GPC5: variants seen among roughly 807,000 people sequenced by gnomAD.
GPC5 encodes the protein glypican-5.
GPC5 carries 47 observed loss-of-function variants against 53.9 expected under a neutral mutation model. The observed-to-expected ratio is 0.87, with a 90% CI of 0.69 to 1.11. GPC5 has a LOEUF of 1.11. GPC5 is among the 50% of genes most tolerant of loss of function. GPC5 has a pLI of 0.00. For missense variants in GPC5, 748 were observed against 713.1 expected (o/e 1.05, Z -0.56); for synonymous variants, 286 against 263.3 (o/e 1.09, Z -0.84).
chr13:92,699,275 C>A (rs1269733826), intron 7 of GPC5, among the ~76,000 whole-genome samples: 2 of 152,010 alleles, frequency 1.3e-5, no homozygotes, highest in African/African-American at 4.8e-5. Context: ...GTGTTGATAT[C>A]CCCTTTATCA....
intron 7 of GPC5, among the ~76,000 whole-genome samples, chr13:92,414,365 C>T (rs886740579): frequency 1.3e-5 from 2 of 151,700 alleles, no homozygotes; most frequent in South Asian, 2.1e-4. Context: ...ATTAGCTGGG[C>T]GTGGTAGTGC....
Position 92,777,178 on chromosome 13 carries a change from T to C in GPC5, c.1562-89104T>C, listed in dbSNP as rs184371354. 3.5e-5 allele frequency among the ~76,000 whole-genome samples: 5 copies of C among 144,414 alleles called. No homozygotes were observed. In the East Asian group the frequency reaches 6.4e-4, roughly 18 times the overall value. The allele number at this position is 144,414 out of a possible 152,430, so 94.7% of individuals were successfully genotyped here. On this transcript the variant is annotated intron_variant, in intron 7 of 7. Coordinates refer to ENST00000377067, the MANE Select transcript of GPC5 (RefSeq NM_004466.6). ...GGTGAAACCTCGTCTCTACTAAAAA[T>C]ACAAAAAACTAGCCGGGCATGGAGG...
At chr13:92,219,432 G>T (rs2042433369) in intron 7 of GPC5, among the ~76,000 whole-genome samples, 1 of 152,070 alleles carries the variant, frequency 6.6e-6, no homozygotes, top group Admixed American at 6.6e-5. Flanking sequence ...AGGAGAAAAG[G>T]TCTGGAGGCA....
intron 7 of GPC5, among the ~76,000 whole-genome samples, chr13:92,665,095 A>G (rs554275433): frequency 6.6e-6 from 1 of 152,298 alleles, no homozygotes; most frequent in East Asian, 1.9e-4. Context: ...AAATTTCTGA[A>G]AGGATGCACC....
intron 6 of GPC5, among the ~76,000 whole-genome samples, chr13:91,976,396 G>T (rs778933708): frequency 6.6e-6 from 1 of 152,316 alleles, no homozygotes; most frequent in South Asian, 2.1e-4. Flanking sequence ...GCCAATTACT[G>T]AGACAATGAG....
intron 6 of GPC5, among the ~76,000 whole-genome samples, chr13:91,992,327 T>C (rs1019587065): frequency 6.6e-6 from 1 of 151,946 alleles, no homozygotes; most frequent in Admixed American, 6.6e-5. Context: ...GCCACCATGC[T>C]GGGTCTAAGG....
In GPC5 at chr13:92,494,041, A is replaced by C. The variant is rs544078223; in HGVS notation, c.1561+349052A>C. 5.5e-5 allele frequency among the ~76,000 whole-genome samples: 7 copies of C among 128,064 alleles called. No homozygotes were observed. In the East Asian group the frequency reaches 1.3e-3, roughly 24 times the overall value. The allele number at this position is 128,064 out of a possible 152,430, so 84.0% of individuals were successfully genotyped here. ...AATTTGCAGGACACTGGACATTAAA[A>C]GAATTACTTTGTGTTTTTTTTTGTT... On this transcript the variant is annotated intron_variant, in intron 7 of 7. Transcript: ENST00000377067.
intron 4 of GPC5, among the ~76,000 whole-genome samples, chr13:91,737,263 T>C (rs1483145483): frequency 6.6e-6 from 1 of 151,500 alleles, no homozygotes; most frequent in Non-Finnish European, 1.5e-5. Flanking sequence ...CTGATTCCAT[T>C]TTGGTTTAGG....
intron 7 of GPC5, among the ~76,000 whole-genome samples, chr13:92,215,947 C>T (rs762258393): frequency 6.6e-6 from 1 of 152,146 alleles, no homozygotes; most frequent in Non-Finnish European, 1.5e-5. Context: ...ATTTATAGGA[C>T]AGTGCATGGT....
rs115073803 is a variant in GPC5, at chr13:92,563,059, C to G, written c.1562-303223C>G. Among the ~76,000 whole-genome samples the G allele has an allele frequency of 3.9e-5, 6 of 152,024 alleles. No individual in the cohort carries two copies. The East Asian group carries it at 1.2e-3, about 30-fold the overall frequency. On this transcript the variant is annotated intron_variant, in intron 7 of 7. Transcript: ENST00000377067. ...AAATTCCCCCACTCCAGTTTGGTGACGGGCAGGTACCAATCAATATCATTT... is the reference window on the plus strand; with the variant it reads ...AAATTCCCCCACTCCAGTTTGGTGAGGGGCAGGTACCAATCAATATCATTT...
intron 6 of GPC5, among the ~76,000 whole-genome samples, chr13:92,127,936 A>G (rs1229642054): frequency 6.6e-6 from 1 of 152,210 alleles, no homozygotes; most frequent in African/African-American, 2.4e-5. Flanking sequence ...GATTTGAGTC[A>G]ACAAAATTTC....
At chr13:91,433,147 T>A (rs1231127370) in intron 1 of GPC5, among the ~76,000 whole-genome samples, 1 of 151,864 alleles carries the variant, frequency 6.6e-6, no homozygotes, top group African/African-American at 2.4e-5. Flanking sequence ...TAAACCATAC[T>A]TTTTCTTAAG....
Position 92,658,678 on chromosome 13 carries a change from G to T in GPC5, c.1562-207604G>T, listed in dbSNP as rs536033448. The stretch of plus-strand genomic sequence containing the variant: ...GTCAGACAGACAGTGATGCAAAGAA[G>T]GAAGAGATAGGCATTTCAGGAAAAT... On this transcript the variant is annotated intron_variant, in intron 7 of 7. Coordinates refer to ENST00000377067, the MANE Select transcript of GPC5 (RefSeq NM_004466.6). 2.0e-5 allele frequency among the ~76,000 whole-genome samples: 3 copies of T among 152,216 alleles called. No individual in the cohort carries two copies. The South Asian group carries it at 6.2e-4, about 32-fold the overall frequency.
intron 2 of GPC5, among the ~76,000 whole-genome samples, chr13:91,593,590 A>G (rs1396718083): frequency 6.6e-6 from 1 of 152,100 alleles, no homozygotes; most frequent in Non-Finnish European, 1.5e-5. Flanking sequence ...CTCTCTCTAC[A>G]GGGTCTCTAG....
rs549523875 is a variant in GPC5 at position 92,209,628 on chromosome 13, A to G, written c.1561+64639A>G. Among the ~76,000 whole-genome samples, 9 of 152,318 alleles carry G rather than the reference A, an allele frequency of 5.9e-5. No individual in the cohort carries two copies. In the East Asian group the frequency reaches 1.2e-3, roughly 20 times the overall value. ...AGTTAATGCTCCCAACAACCTTGTG[A>G]CACAGTAGATATAAAAATAACATGT... On this transcript the variant is annotated intron_variant, in intron 7 of 7. Coordinates refer to ENST00000377067, the MANE Select transcript of GPC5 (RefSeq NM_004466.6).
intron 2 of GPC5, among the ~76,000 whole-genome samples, chr13:91,470,536 G>T (rs1312866915): frequency 6.6e-6 from 1 of 152,148 alleles, no homozygotes. Flanking sequence ...GGATTTAGGT[G>T]TATGATTTGT....
At chr13:92,259,949 G>A (rs1383375997) in intron 7 of GPC5, among the ~76,000 whole-genome samples, 2 of 152,116 alleles carry the variant, frequency 1.3e-5, no homozygotes, top group Non-Finnish European at 2.9e-5. Context: ...CCCAAATCTC[G>A]TAGGGACAGG....
chr13:92,082,644 G>A (rs554438493), intron 6 of GPC5, among the ~76,000 whole-genome samples: 26 of 152,182 alleles, frequency 1.7e-4, no homozygotes, highest in Middle Eastern at 3.4e-3. Context: ...AAGGAAAAGG[G>A]TATTATCTGC....
intron 7 of GPC5, among the ~76,000 whole-genome samples, chr13:92,311,774 A>G (rs2043146667): frequency 1.3e-5 from 2 of 152,176 alleles, no homozygotes; most frequent in Admixed American, 1.3e-4. Context: ...ACATGTGGGA[A>G]TTATGGGAGC....
Sources: gnomAD v4.1 joint callset for allele counts (sites outside exome capture counted in the v4.1 genomes callset) on GRCh38, gnomAD v4.1.1 for gene constraint, MANE v1.5 for transcripts, NCBI Gene and HGNC (gene_info 2026-07-23, HGNC 2026-07-21) for gene names.